The following FOXP2 variants were observed in gnomAD, a reference collection of about 807,000 sequenced individuals.
FOXP2 encodes the protein forkhead box protein P2.
In FOXP2, 12 loss-of-function variants were observed where a neutral mutation model predicts 115.8. The ratio of observed to expected loss-of-function variants is 0.10; its 90% CI spans 0.07 to 0.17. The LOEUF (loss-of-function observed/expected upper bound fraction) is 0.17, where lower values mean the gene tolerates loss of function less well. FOXP2 is among the 10% of genes least tolerant of loss of function. FOXP2 has a pLI of 1.00. For missense variants in FOXP2, 629 were observed against 843.5 expected, an observed-to-expected ratio of 0.75 and a Z score of 3.15; for synonymous variants, 328 against 297.7, an observed-to-expected ratio of 1.10 and a Z score of -1.05.
chr7:114,230,057 G>A (rs1320090640), intron 1 of FOXP2, among the ~76,000 whole-genome samples: 1 of 151,650 alleles, frequency 6.6e-6, no homozygotes, highest in Non-Finnish European at 1.5e-5. Flanking sequence ...TACAACTGAT[G>A]GCACAGAAAT....
At chr7:114,351,088 C>T (rs948524992) in intron 2 of FOXP2, among the ~76,000 whole-genome samples, 1 of 152,080 alleles carries the variant, frequency 6.6e-6, no homozygotes, top group Non-Finnish European at 1.5e-5. Flanking sequence ...TATTTTTTCT[C>T]AAATATTTTC....
At chr7:114,163,441 TC>T (rs979731890) in intron 1 of FOXP2, among the ~76,000 whole-genome samples, 9 of 152,134 alleles carry the variant, frequency 5.9e-5, no homozygotes, top group African/African-American at 1.9e-4. Flanking sequence ...TGTTTTTTTT[TC>T]TTTTATATTT....
rs780676420 is a variant in FOXP2 at position 114,642,508 on chromosome 7, A to T, written c.874A>T (p.Thr292Ser). ...NGIKHGGLDL[T>S]TNNSSSTTSS... Reference sequence around the variant, plus strand: ...CATTAAACATGGAGGGCTAGACCTCACTACTAACAATTCCTCCTCGACTAC... The same window carrying T: ...CATTAAACATGGAGGGCTAGACCTCTCTACTAACAATTCCTCCTCGACTAC... The change falls in exon 7 of 17, where the codon ACT becomes TCT. Residue 292 changes from threonine to serine, a missense_variant. Physicochemically the swap from Thr to Ser is moderately conservative, Grantham distance 58. This residue lies in a region of FOXP2 where 92 missense variants were observed against 80.1 expected (regional missense o/e 1.15). Coordinates refer to ENST00000350908, the MANE Select transcript of FOXP2 (RefSeq NM_014491.4). The T allele has an allele frequency of 7.6e-5, 122 of 1,613,834 alleles. No individual in the cohort carries two copies. Among genetic ancestry groups the T allele is most frequent in the Non-Finnish European group, 9.8e-5 (116 of 1,179,950 alleles).
intron 1 of FOXP2, among the ~76,000 whole-genome samples, chr7:114,153,555 G>A (rs973131107): frequency 1.2e-4 from 18 of 152,028 alleles, no homozygotes; most frequent in Non-Finnish European, 1.5e-5. Context: ...AGCATTGGGG[G>A]GAATTAAAAA....
intron 2 of FOXP2, among the ~76,000 whole-genome samples, chr7:114,339,623 C>T (rs776436102): frequency 6.6e-6 from 1 of 150,952 alleles, no homozygotes; most frequent in Non-Finnish European, 1.5e-5. Context: ...GATAATCAAC[C>T]TGAGAGAGGT....
At chr7:114,102,865 G>C (rs1791024001) in intron 1 of FOXP2, among the ~76,000 whole-genome samples, 1 of 151,962 alleles carries the variant, frequency 6.6e-6, no homozygotes, top group South Asian at 2.1e-4. Context: ...TCTCTCACAA[G>C]CTCTTCCTTG....
intron 1 of FOXP2, among the ~76,000 whole-genome samples, chr7:114,237,062 G>T (rs1372851321): frequency 6.6e-6 from 1 of 152,190 alleles, no homozygotes; most frequent in Non-Finnish European, 1.5e-5. Flanking sequence ...GTATGTCTGT[G>T]TGGGGGGCTG....
chr7:114,165,312 A>G (rs1375786590), intron 1 of FOXP2, among the ~76,000 whole-genome samples: 1 of 152,218 alleles, frequency 6.6e-6, no homozygotes, highest in East Asian at 1.9e-4. Context: ...AACAAAAGAC[A>G]TTGTGATTGG....
chr7:114,547,851 A>T (rs1021855664), intron 3 of FOXP2, among the ~76,000 whole-genome samples: 1 of 152,358 alleles, frequency 6.6e-6, no homozygotes, highest in East Asian at 1.9e-4. Flanking sequence ...TTATTGGTAT[A>T]TAATTTTTAT....
intron 2 of FOXP2, among the ~76,000 whole-genome samples, chr7:114,374,439 A>G (rs1792091743): frequency 6.6e-6 from 1 of 152,222 alleles, no homozygotes. Flanking sequence ...AAACAAATCA[A>G]AAAAATACCT....
At chr7:114,238,075 G>A (rs1213616956) in intron 1 of FOXP2, among the ~76,000 whole-genome samples, 1 of 152,160 alleles carries the variant, frequency 6.6e-6, no homozygotes, top group Non-Finnish European at 1.5e-5. Flanking sequence ...TTTGACATAT[G>A]TATTTTTTGT....
intron 1 of FOXP2, among the ~76,000 whole-genome samples, chr7:114,261,752 C>T (rs1001183471): frequency 3.3e-5 from 5 of 152,116 alleles, no homozygotes; most frequent in African/African-American, 1.2e-4. Flanking sequence ...GTATAGAATA[C>T]ATTATCTTCT....
intron 2 of FOXP2, among the ~76,000 whole-genome samples, chr7:114,472,274 C>T (rs1053444279): frequency 6.6e-6 from 1 of 151,386 alleles, no homozygotes; most frequent in Admixed American, 6.6e-5. Context: ...TAAATAACTT[C>T]ATATGGGGTA....
intron 2 of FOXP2, among the ~76,000 whole-genome samples, chr7:114,347,912 G>T (rs1244672793): frequency 6.6e-6 from 1 of 151,926 alleles, no homozygotes; most frequent in African/African-American, 2.4e-5. Context: ...ATAATTTTGG[G>T]TGAAACATTC....
intron 1 of FOXP2, among the ~76,000 whole-genome samples, chr7:114,244,413 A>T (rs1030345374): frequency 1.3e-5 from 2 of 152,174 alleles, no homozygotes; most frequent in African/African-American, 4.8e-5. Context: ...TCTTGGATGG[A>T]CAGTTATGAT....
At chr7:114,620,753 C>A (rs1366692991) in intron 3 of FOXP2, among the ~76,000 whole-genome samples, 3 of 151,998 alleles carry the variant, frequency 2.0e-5, no homozygotes, top group Non-Finnish European at 2.9e-5. Flanking sequence ...GTTTTATAAT[C>A]TAACCTAAAT....
chr7:114,256,384 G>T (rs1440413289), intron 1 of FOXP2, among the ~76,000 whole-genome samples: 1 of 152,170 alleles, frequency 6.6e-6, no homozygotes. Flanking sequence ...TGGGATTATA[G>T]GTGTGAGCCA....
chr7:114,379,456 G>A (rs879269295), intron 2 of FOXP2, among the ~76,000 whole-genome samples: 2 of 152,040 alleles, frequency 1.3e-5, no homozygotes, highest in Admixed American at 1.3e-4. Context: ...TGTTGGGGAG[G>A]TTGGCCGATG....
chr7:114,372,493 A>T (rs1267479542), intron 2 of FOXP2, among the ~76,000 whole-genome samples: 1 of 152,210 alleles, frequency 6.6e-6, no homozygotes, highest in Non-Finnish European at 1.5e-5. Flanking sequence ...TTTTAAAATA[A>T]AAACTATTTT....
Sources: allele counts gnomAD v4.1 joint callset (sites outside exome capture counted in the v4.1 genomes callset), GRCh38; gene constraint gnomAD v4.1.1; regional missense constraint gnomAD v4.1.1; transcripts MANE v1.5; gene names NCBI Gene and HGNC (gene_info 2026-07-23, HGNC 2026-07-21).